The following VCP variants were observed in gnomAD, a reference collection of about 807,000 sequenced individuals.
VCP encodes the protein transitional endoplasmic reticulum ATPase.
VCP carries 6 observed loss-of-function variants against 85.7 expected under a neutral mutation model. That is an observed-to-expected ratio of 0.07 (90% CI 0.04 to 0.14). The LOEUF is 0.14. VCP is among the 10% of genes least tolerant of loss of function. The probability of loss-of-function intolerance (pLI) is 1.00; values close to 1 mark genes in which losing one functional copy is unlikely to be tolerated. For missense variants in VCP, 353 were observed against 1,043.4 expected, an observed-to-expected ratio of 0.34 and a Z score of 9.12; for synonymous variants, 384 against 367.1, an observed-to-expected ratio of 1.05 and a Z score of -0.53.
intron 9 of VCP, 66 bp from the exon 10 acceptor site, chr9:35,061,755 G>A: frequency 2.8e-6 from 4 of 1,448,172 alleles, no homozygotes; most frequent in Non-Finnish European, 3.9e-6. Context: ...ACAGGCCTAG[G>A]GTGACCAACC....
chr9:35,071,261 T>A (rs908217541), intron 1 of VCP, among the ~76,000 whole-genome samples: 3 of 148,794 alleles, frequency 2.0e-5, no homozygotes, highest in East Asian at 2.0e-4. Flanking sequence ...GGAAGGAAGG[T>A]AATTTGCATA....
chr9:35,061,929 G>A, intron 9 of VCP, 74 bp downstream of exon 9: 4 of 1,611,876 alleles, frequency 2.5e-6, no homozygotes, highest in African/African-American at 1.3e-5. Context: ...GCTTCAAGAG[G>A]ATTAGGTGAC....
intron 7 of VCP, among the ~76,000 whole-genome samples, 199 bp downstream of exon 7, chr9:35,062,779 G>C (rs886497815): frequency 6.6e-6 from 1 of 152,124 alleles, no homozygotes; most frequent in Non-Finnish European, 1.5e-5. Context: ...CTTTCTCAAA[G>C]GGGGCAGGAC....
intron 1 of VCP, 98 bp from the exon 2 acceptor site, chr9:35,068,460 C>G (rs781630725): frequency 9.9e-6 from 11 of 1,109,558 alleles, no homozygotes; most frequent in Non-Finnish European, 1.5e-5. Context: ...ATAGATGAAG[C>G]TGTCCCTAGA....
intron 6 of VCP, among the ~76,000 whole-genome samples, chr9:35,063,792 T>G (rs623318): frequency 0.15 from 22,777 of 152,300 alleles, 2,300 homozygotes; most frequent in Non-Finnish European, 0.22. Flanking sequence ...ACTTCCTTAC[T>G]TCTACTGGGT....
At position 35,057,812 on chromosome 9, in the gene VCP, G is replaced by A. The variant is rs1009537487; in HGVS notation, c.2161-282C>T. The A allele has an allele frequency of 1.6e-5, 8 of 496,032 alleles. No individual in the cohort carries two copies. The Admixed American group carries it at 2.6e-4, about 16-fold the overall frequency. The allele number at this position is 496,032 out of a possible 1,614,324, so 30.7% of individuals were successfully genotyped here. On this transcript the variant is annotated intron_variant, in intron 15 of 16. Coordinates refer to ENST00000358901, the MANE Select transcript of VCP (RefSeq NM_007126.5). ...GCTAAGGAAACTTTTTGAGATAGTA[G>A]AAATTTTAAGTCTCAACTGTGGTAG...
At chr9:35,064,116 A>G in intron 6 of VCP, 38 bp downstream of exon 6, 1 of 1,613,836 alleles carries the variant, frequency 6.2e-7, no homozygotes. Flanking sequence ...AGACATTGGC[A>G]CCACTTTAGA....
At chr9:35,070,607 T>G (rs1416257905) in intron 1 of VCP, among the ~76,000 whole-genome samples, 4 of 152,140 alleles carry the variant, frequency 2.6e-5, no homozygotes, top group Non-Finnish European at 5.9e-5. Flanking sequence ...TGGCTACTTT[T>G]TGCATTTTAA....
intron 7 of VCP, 49 bp from the exon 8 acceptor site, chr9:35,062,399 A>G (rs368003758): frequency 1.9e-5 from 30 of 1,613,266 alleles, no homozygotes; most frequent in African/African-American, 5.3e-5. Context: ...GTCTTTCCCA[A>G]TTCCTCCCAA....
intron 9 of VCP, 34 bp downstream of exon 9, chr9:35,061,969 C>A: frequency 6.2e-7 from 1 of 1,614,136 alleles, no homozygotes; most frequent in South Asian, 1.1e-5. Context: ...AGGACCTAAG[C>A]AAGGACGGGG....
At position 35,068,239 on chromosome 9, in the gene VCP, G is replaced by A. The variant is rs1469170170; in HGVS notation, c.129+12C>T. The A allele has an allele frequency of 1.9e-6, 3 of 1,613,066 alleles. No individual in the cohort carries two copies. The highest frequency in any genetic ancestry group is 4.5e-5 in the East Asian group (2 of 44,882). On this transcript the variant is annotated intron_variant, in intron 2 of 16. Transcript: ENST00000358901. ...TGCAGTAAGGAAAGACTAGTCTGTGGCCACAGCTTACCTGGGACAAGGACA... is the reference window on the plus strand; with the variant it reads ...TGCAGTAAGGAAAGACTAGTCTGTGACCACAGCTTACCTGGGACAAGGACA...
intron 5 of VCP, 31 bp from the exon 6 acceptor site, chr9:35,064,316 G>A (rs775017935): frequency 2.0e-5 from 33 of 1,612,808 alleles, no homozygotes; most frequent in Non-Finnish European, 2.6e-5. Flanking sequence ...GAAAGGAGAA[G>A]GCAAGAATAT....
rs902184848 is a variant in VCP at position 35,059,097 on chromosome 9, T to G, written c.2127A>C (p.Arg709=). The G allele has an allele frequency of 6.2e-6, 10 of 1,614,000 alleles. No individual in the cohort carries two copies. Among genetic ancestry groups the G allele is most frequent in the Non-Finnish European group, 5.9e-6 (7 of 1,180,044 alleles). ...IRESIESEIR[R]ERERQTNPSA... The stretch of plus-strand genomic sequence containing the variant: ...ATGGGTTTGTCTGCCTCTCTCGTTC[T>G]CGCCTAATCTCACTCTCGATGGATT... Residue 709 remains arginine, a synonymous_variant, in exon 15 of 17, where the codon CGA becomes CGC. Coordinates refer to ENST00000358901, the MANE Select transcript of VCP (RefSeq NM_007126.5). The surrounding 1 kb of genome is among the most constrained non-coding windows in gnomAD (Gnocchi z 4.9).
At chr9:35,064,457 G>A (rs1340952391) in intron 5 of VCP, among the ~76,000 whole-genome samples, 172 bp from the exon 6 acceptor site, 1 of 152,134 alleles carries the variant, frequency 6.6e-6, no homozygotes, top group Non-Finnish European at 1.5e-5. Flanking sequence ...AGGCAGAGGT[G>A]GGAGGAATGC....
Position 35,064,134 on chromosome 9 carries a change from C to G in VCP, c.708+20G>C. 1 of 1,614,070 alleles carries G rather than the reference C, an allele frequency of 6.2e-7. No homozygotes were observed. The highest frequency in any genetic ancestry group is 8.5e-7 in the Non-Finnish European group (1 of 1,179,996). ...CATTGGCACCACTTTAGACTTGATT[C>G]CAGAGCCCAGGATGCTCACCTTCAC... On this transcript the variant is annotated intron_variant, in intron 6 of 16. Transcript: ENST00000358901.
Position 35,068,231 on chromosome 9 carries a change from A to C in VCP, c.129+20T>G. ...CAAGTAAGTGCAGTAAGGAAAGACT[A>C]GTCTGTGGCCACAGCTTACCTGGGA... On this transcript the variant is annotated intron_variant, in intron 2 of 16. Coordinates refer to ENST00000358901, the MANE Select transcript of VCP (RefSeq NM_007126.5). The C allele has an allele frequency of 1.2e-6, 2 of 1,611,366 alleles. No individual in the cohort carries two copies. Among genetic ancestry groups the C allele is most frequent in the Non-Finnish European group, 1.7e-6 (2 of 1,177,524 alleles).
chr9:35,063,710 A>C (rs962288216), intron 6 of VCP, among the ~76,000 whole-genome samples: 1 of 152,250 alleles, frequency 6.6e-6, no homozygotes, highest in Admixed American at 6.5e-5. Context: ...AAGATTGAGA[A>C]GCTACACTCT....
At chr9:35,071,089 A>G (rs1828931790) in intron 1 of VCP, among the ~76,000 whole-genome samples, 1 of 152,184 alleles carries the variant, frequency 6.6e-6, no homozygotes, top group Admixed American at 6.5e-5. Flanking sequence ...AGGTTCCAAG[A>G]ATTTTAGATT....
At chr9:35,063,366 G>C (rs1379706943) in intron 6 of VCP, among the ~76,000 whole-genome samples, 1 of 152,142 alleles carries the variant, frequency 6.6e-6, no homozygotes, top group Non-Finnish European at 1.5e-5. Context: ...TACATGACTA[G>C]GGAAAGGCAA....
Sources: allele counts gnomAD v4.1 joint callset (sites outside exome capture counted in the v4.1 genomes callset), GRCh38; gene constraint gnomAD v4.1.1; non-coding constraint Gnocchi (gnomAD v3.1); transcripts MANE v1.5; gene names NCBI Gene and HGNC (gene_info 2026-07-23, HGNC 2026-07-21).